Variants in COL21A1 observed in about 807,000 individuals in gnomAD.
COL21A1 encodes collagen alpha-1(XXI) chain.
In COL21A1, 149 loss-of-function variants were observed where a neutral mutation model predicts 137.9. The observed-to-expected ratio is 1.08, with a 90% CI of 0.95 to 1.24. COL21A1 has a LOEUF of 1.24. COL21A1 is among the 50% of genes most tolerant of loss of function. The pLI is 0.00. For synonymous variants in COL21A1, 456 were observed against 391.5 expected, an observed-to-expected ratio of 1.16 and a Z score of -1.95; for missense variants, 1,167 against 1,158.4, an observed-to-expected ratio of 1.01 and a Z score of -0.11.
chr6:56,118,565 C>T (rs547101965), intron 16 of COL21A1, among the ~76,000 whole-genome samples: 20 of 152,170 alleles, frequency 1.3e-4, no homozygotes, highest in African/African-American at 4.8e-4. Context: ...AGGAATACTT[C>T]CAAACTCTTT....
In COL21A1 at chr6:56,200,621, A is replaced by T. The variant is rs1779323639; in HGVS notation, c.-38-17965T>A. 5.3e-5 allele frequency among the ~76,000 whole-genome samples: 8 copies of T among 151,840 alleles called. No homozygotes were observed. In the South Asian group the frequency reaches 1.7e-3, roughly 32 times the overall value. ...TTCCAGCTTCATTCATGTCCCTACA[A>T]AGGACATGAACTCATCATTTTTTAT... On this transcript the variant is annotated intron_variant, in intron 1 of 29. Transcript: ENST00000244728.
intron 17 of COL21A1, among the ~76,000 whole-genome samples, chr6:56,083,304 C>T (rs904738111): frequency 6.6e-6 from 1 of 151,912 alleles, no homozygotes; most frequent in African/African-American, 2.4e-5. Context: ...TTCCAGCTTC[C>T]AGGGGCAACT....
At chr6:56,083,307 G>A (rs1191951339) in intron 17 of COL21A1, among the ~76,000 whole-genome samples, 2 of 151,878 alleles carry the variant, frequency 1.3e-5, no homozygotes, top group East Asian at 3.9e-4. Flanking sequence ...CAGCTTCCAG[G>A]GGCAACTACA....
In COL21A1 at chr6:56,125,573, G is replaced by A. The variant is rs951986457; in HGVS notation, c.1644C>T (p.Gly548=). 8 of 1,598,312 alleles carry A rather than the reference G, an allele frequency of 5.0e-6. No homozygotes were observed. Among genetic ancestry groups the A allele is most frequent in the Non-Finnish European group, 6.8e-6 (8 of 1,169,932 alleles). ...KGDKGSPGFY[G]KKGAKGEKGN... is the part of the protein sequence containing the mutation. ...TTGTGTGATCTATACTTCCCTTTTT[G>A]CCATAAAATCCAGGTGATCCTTTGT... The change falls in exon 14 of 30, where the codon GGC becomes GGT. Residue 548 remains glycine, a synonymous_variant. Coordinates refer to ENST00000244728, the MANE Select transcript of COL21A1 (RefSeq NM_030820.4).
At chr6:56,326,863 C>T (rs1011709725) in intron 1 of COL21A1, among the ~76,000 whole-genome samples, 2 of 151,984 alleles carry the variant, frequency 1.3e-5, no homozygotes, top group African/African-American at 4.8e-5. Context: ...TTTAGTTTTA[C>T]ATAACACTAG....
intron 12 of COL21A1, among the ~76,000 whole-genome samples, chr6:56,141,072 T>A (rs1398692358): frequency 6.6e-6 from 1 of 152,180 alleles, no homozygotes; most frequent in East Asian, 1.9e-4. Context: ...GAAATCCCCC[T>A]TTTTATGTTT....
At chr6:56,061,783 T>A in intron 24 of COL21A1, 102 bp from the exon 25 acceptor site, 1 of 757,562 alleles carries the variant, frequency 1.3e-6, no homozygotes, top group Non-Finnish European at 2.1e-6. Flanking sequence ...AAAATTTCAA[T>A]TTGGAAAATA....
intron 1 of COL21A1, among the ~76,000 whole-genome samples, chr6:56,281,833 G>A (rs1480594027): frequency 1.3e-5 from 2 of 152,112 alleles, no homozygotes; most frequent in African/African-American, 4.8e-5. Flanking sequence ...GGTCACAAGA[G>A]ATAAAGCCTA....
rs1261176822 is a variant in COL21A1, at chr6:56,206,693, AATAAATATATATATATATAT to A, written c.-38-24057_-38-24038del. Among the ~76,000 whole-genome samples, 528 of 127,926 alleles carry A rather than the reference AATAAATATATATATATATAT, an allele frequency of 4.1e-3. 13 individuals are homozygous for A. Among genetic ancestry groups the A allele is most frequent in the Admixed American group, 0.014 (166 of 12,212 alleles). The allele number at this position is 127,926 out of a possible 152,430, so 83.9% of individuals were successfully genotyped here. ...CCCAATTCAACAAAATAAATAAATA[AATAAATATATATATATATAT>A]ATATATATATATATATATATATATT... On this transcript the variant is annotated intron_variant, in intron 1 of 29. Transcript: ENST00000244728.
intron 10 of COL21A1, among the ~76,000 whole-genome samples, chr6:56,146,989 CA>C (rs1774885355): frequency 6.6e-6 from 1 of 152,048 alleles, no homozygotes; most frequent in African/African-American, 2.4e-5. Flanking sequence ...CTACCTTTGA[CA>C]AATAATCTCT....
At chr6:56,267,016 T>C (rs1378247868) in intron 1 of COL21A1, among the ~76,000 whole-genome samples, 3 of 152,190 alleles carry the variant, frequency 2.0e-5, no homozygotes, top group Non-Finnish European at 2.9e-5. Context: ...GAAGAGACAA[T>C]GAGCATCCTC....
chr6:56,332,017 T>C (rs532747970), intron 1 of COL21A1: 5 of 152,302 alleles, frequency 3.3e-5, no homozygotes, highest in African/African-American at 1.2e-4. Context: ...GTTTCATACA[T>C]CACAAAAAAC....
intron 16 of COL21A1, among the ~76,000 whole-genome samples, chr6:56,122,757 T>C (rs887250316): frequency 6.6e-6 from 1 of 152,202 alleles, no homozygotes; most frequent in Non-Finnish European, 1.5e-5. Flanking sequence ...AGGAAATGAA[T>C]AAAAGAACTA....
At chr6:56,310,974 T>C (rs1405209585) in intron 1 of COL21A1, among the ~76,000 whole-genome samples, 3 of 152,190 alleles carry the variant, frequency 2.0e-5, no homozygotes, top group East Asian at 3.9e-4. Context: ...CTGGCACAGA[T>C]GTAGCAAATT....
intron 1 of COL21A1, among the ~76,000 whole-genome samples, chr6:56,233,906 G>A (rs546579801): frequency 1.3e-5 from 2 of 151,752 alleles, no homozygotes; most frequent in South Asian, 4.2e-4. Context: ...AAACAATGAG[G>A]GGGTAATTGA....
intron 1 of COL21A1, among the ~76,000 whole-genome samples, chr6:56,301,133 C>A (rs1273015475): frequency 6.6e-6 from 1 of 152,134 alleles, no homozygotes; most frequent in Admixed American, 6.6e-5. Flanking sequence ...ACATCCTAAT[C>A]TCTGGAACCT....
intron 16 of COL21A1, among the ~76,000 whole-genome samples, chr6:56,106,435 GAATCTAA>G (rs1454542678): frequency 6.6e-6 from 1 of 152,102 alleles, no homozygotes; most frequent in African/African-American, 2.4e-5. Context: ...TGTGCCACAA[GAATCTAA>G]AATCAACACA....
chr6:56,263,424 T>C (rs1763327566), intron 1 of COL21A1, among the ~76,000 whole-genome samples: 1 of 152,160 alleles, frequency 6.6e-6, no homozygotes, highest in African/African-American at 2.4e-5. Flanking sequence ...AGTATTGAAA[T>C]ACTCTATGGA....
rs191031573 is a variant in COL21A1, at chr6:56,236,421, C to T, written c.-39+10966G>A. On this transcript the variant is annotated intron_variant, in intron 1 of 29. Coordinates refer to ENST00000244728, the MANE Select transcript of COL21A1 (RefSeq NM_030820.4). ...TTGGAAACTATGCTCAATATGTATG[C>T]TATAGGGAGGGGTTAAGGCATCAAG... 2.6e-3 allele frequency among the ~76,000 whole-genome samples: 395 copies of T among 152,052 alleles called. 5 individuals are homozygous for T. Among genetic ancestry groups the T allele is most frequent in the Non-Finnish European group, 3.8e-3 (257 of 67,890 alleles).
Sources: gnomAD v4.1 joint callset for allele counts (sites outside exome capture counted in the v4.1 genomes callset) on GRCh38, gnomAD v4.1.1 for gene constraint, MANE v1.5 for transcripts, NCBI Gene and HGNC (gene_info 2026-07-23, HGNC 2026-07-21) for gene names.